Variants in ELMO1 observed in about 807,000 individuals in gnomAD.
ELMO1 encodes the protein engulfment and cell motility protein 1.
A neutral mutation model predicts 98.9 loss-of-function variants in ELMO1; 26 were observed. The observed-to-expected ratio is 0.26, with a 90% CI of 0.19 to 0.36. The LOEUF is 0.36. Ranked by LOEUF, ELMO1 falls within the 10% of genes least tolerant of loss-of-function variation. The pLI, the probability that ELMO1 is intolerant of heterozygous loss-of-function variation, is 1.00. For missense variants in ELMO1, 627 were observed against 935.2 expected, an observed-to-expected ratio of 0.67 and a Z score of 4.30; for synonymous variants, 346 against 346.0, an observed-to-expected ratio of 1.00 and a Z score of 0.00.
At chr7:37,444,520 T>G (rs1291433129) in intron 1 of ELMO1, among the ~76,000 whole-genome samples, 1 of 114,710 alleles carries the variant, frequency 8.7e-6, no homozygotes, top group African/African-American at 2.7e-5. Context: ...AATAGTGGCA[T>G]TTTTTTTTTT....
intron 16 of ELMO1, chr7:36,986,205 C>T (rs1791494314): frequency 1.0e-6 from 1 of 985,500 alleles, no homozygotes; most frequent in Non-Finnish European, 1.2e-6. Context: ...TGGCAGGAGT[C>T]GGGGAAAGAT....
chr7:36,973,802 C>T (rs1212801667), intron 16 of ELMO1, among the ~76,000 whole-genome samples: 1 of 152,210 alleles, frequency 6.6e-6, no homozygotes, highest in East Asian at 1.9e-4. Context: ...AGCTGGAGTT[C>T]CAGATGGGCG....
intron 16 of ELMO1, among the ~76,000 whole-genome samples, chr7:37,005,090 A>G (rs1370187383): frequency 7.1e-6 from 1 of 141,832 alleles, no homozygotes; most frequent in African/African-American, 2.7e-5. Flanking sequence ...GCCTGGCAAC[A>G]GAGCAAGGCT....
At chr7:37,338,510 A>G (rs2700993) in intron 2 of ELMO1, among the ~76,000 whole-genome samples, 137,116 of 152,182 alleles carry the variant, frequency 0.9, 62,048 homozygotes, top group Non-Finnish European at 0.95. Context: ...TCTGTTGTTC[A>G]TAAATTTCCC....
chr7:36,972,458 AT>A, intron 16 of ELMO1, among the ~76,000 whole-genome samples: 1 of 152,188 alleles, frequency 6.6e-6, no homozygotes, highest in Non-Finnish European at 1.5e-5. Context: ...ACAGAAATTC[AT>A]TGTCTCACAG....
At chr7:37,274,528 G>A (rs1584904173) in intron 4 of ELMO1, among the ~76,000 whole-genome samples, 2 of 152,252 alleles carry the variant, frequency 1.3e-5, no homozygotes, top group South Asian at 2.1e-4. Flanking sequence ...GGCCCCAAGG[G>A]TATGAAGCGG....
At chr7:37,011,320 A>G (rs1161278104) in intron 16 of ELMO1, among the ~76,000 whole-genome samples, 1 of 152,230 alleles carries the variant, frequency 6.6e-6, no homozygotes, top group Non-Finnish European at 1.5e-5. Flanking sequence ...CCCTAGAGCT[A>G]TGGTCACCTC....
chr7:37,278,137 G>A (rs1188393403), intron 4 of ELMO1, among the ~76,000 whole-genome samples: 1 of 8,198 alleles, frequency 1.2e-4, no homozygotes, highest in Non-Finnish European at 3.6e-4. Flanking sequence ...TTTTTTTTTT[G>A]GCGGGGCTGG....
intron 13 of ELMO1, among the ~76,000 whole-genome samples, chr7:37,206,841 A>G (rs529925191): frequency 2.6e-5 from 4 of 152,156 alleles, no homozygotes; most frequent in Non-Finnish European, 5.9e-5. Context: ...TTAAAAAAAA[A>G]AAGCTTATTT....
At chr7:37,407,498 AC>A (rs1206048068) in intron 1 of ELMO1, among the ~76,000 whole-genome samples, 1 of 143,012 alleles carries the variant, frequency 7.0e-6, no homozygotes, top group Non-Finnish European at 1.5e-5. Context: ...AAAGAGTGAA[AC>A]TCCATCTCAA....
intron 1 of ELMO1, among the ~76,000 whole-genome samples, chr7:37,415,867 AT>A (rs1281673427): frequency 1.3e-5 from 2 of 152,230 alleles, no homozygotes; most frequent in Non-Finnish European, 2.9e-5. Flanking sequence ...TTAAAAATAA[AT>A]AATACCCCAA....
At chr7:36,948,452 A>G (rs1473444751) in intron 16 of ELMO1, among the ~76,000 whole-genome samples, 1 of 152,206 alleles carries the variant, frequency 6.6e-6, no homozygotes, top group African/African-American at 2.4e-5. Context: ...GGTTCTACAG[A>G]GCACATCATT....
intron 16 of ELMO1, among the ~76,000 whole-genome samples, chr7:36,976,807 T>C (rs902746422): frequency 6.6e-6 from 1 of 152,252 alleles, no homozygotes; most frequent in Non-Finnish European, 1.5e-5. Flanking sequence ...TGGATTATTG[T>C]AAGGCTAATT....
At chr7:37,152,307 G>A (rs889454000) in intron 13 of ELMO1, among the ~76,000 whole-genome samples, 3 of 152,110 alleles carry the variant, frequency 2.0e-5, no homozygotes, top group African/African-American at 7.2e-5. Flanking sequence ...GCCCACGAAC[G>A]CTGCCCTGAG....
chr7:37,100,990 C>G (rs981642500), intron 14 of ELMO1, among the ~76,000 whole-genome samples: 3 of 152,244 alleles, frequency 2.0e-5, no homozygotes, highest in Admixed American at 1.3e-4. Context: ...GTCCCTAAAA[C>G]TGCCTTCAGA....
chr7:37,024,308 G>A (rs1057075237), intron 15 of ELMO1, among the ~76,000 whole-genome samples: 19 of 152,164 alleles, frequency 1.2e-4, no homozygotes, highest in African/African-American at 3.9e-4. Context: ...GCATCAGTTC[G>A]CACAACGCTT....
rs61189239 is a variant in ELMO1, at chr7:37,155,503, A to AAAAAAAATAAAT, written c.1087-22270_1087-22269insATTTATTTTTTT. Among the ~76,000 whole-genome samples, 334 of 131,778 alleles carry AAAAAAAATAAAT rather than the reference A, an allele frequency of 2.5e-3. 3 individuals are homozygous for AAAAAAAATAAAT. The highest frequency in any genetic ancestry group is 4.0e-3 in the Middle Eastern group (1 of 248). The allele number at this position is 131,778 out of a possible 152,430, so 86.5% of individuals were successfully genotyped here. A position where few individuals can be genotyped will look rare whatever the true frequency, so the allele number is the denominator to read the frequency against. ...AACGGAAAGCAAAAAAAAAAAAAAA[A>AAAAAAAATAAAT]AAAAAGCAGGTGTTGCAATCCTGGT... On this transcript the variant is annotated intron_variant, in intron 13 of 21. Transcript: ENST00000310758.
chr7:37,035,177 T>G (rs1441228967), intron 15 of ELMO1, among the ~76,000 whole-genome samples: 1 of 152,230 alleles, frequency 6.6e-6, no homozygotes, highest in Non-Finnish European at 1.5e-5. Context: ...ATTTTCTTAA[T>G]GGCGGTTTGG....
chr7:36,972,003 A>G (rs182831583), intron 16 of ELMO1, among the ~76,000 whole-genome samples: 1 of 152,276 alleles, frequency 6.6e-6, no homozygotes, highest in East Asian at 1.9e-4. Flanking sequence ...TGTGTGATTC[A>G]TGGGTCTGGG....
Sources: allele counts gnomAD v4.1 joint callset (sites outside exome capture counted in the v4.1 genomes callset), GRCh38; gene constraint gnomAD v4.1.1; transcripts MANE v1.5; gene names NCBI Gene and HGNC (gene_info 2026-07-23, HGNC 2026-07-21).